SLMAP: variants seen among roughly 807,000 people sequenced by gnomAD.
SLMAP encodes the protein sarcolemma associated protein, also known as sarcolemmal membrane-associated protein.
A neutral mutation model predicts 128.8 loss-of-function variants in SLMAP; 44 were observed. The ratio of observed to expected loss-of-function variants is 0.34; its 90% confidence interval spans 0.27 to 0.44. SLMAP has a LOEUF of 0.44. Ranked by LOEUF, SLMAP falls within the 20% of genes least tolerant of loss-of-function variation. The probability of loss-of-function intolerance (pLI) is 1.00; values close to 1 mark genes in which losing one functional copy is unlikely to be tolerated. For synonymous variants in SLMAP, 327 were observed against 348.8 expected, an observed-to-expected ratio of 0.94 and a Z score of 0.70; for missense variants, 787 against 985.3, an observed-to-expected ratio of 0.80 and a Z score of 2.69.
intron 2 of SLMAP, among the ~76,000 whole-genome samples, chr3:57,794,731 G>C (rs1019885628): frequency 6.6e-6 from 1 of 152,136 alleles, no homozygotes; most frequent in African/African-American, 2.4e-5. Flanking sequence ...GCATTTTCAA[G>C]CTTCATCTAA....
At chr3:57,868,296 A>G (rs1188703163) in intron 13 of SLMAP, among the ~76,000 whole-genome samples, 1 of 152,058 alleles carries the variant, frequency 6.6e-6, no homozygotes, top group African/African-American at 2.4e-5. Flanking sequence ...AGCCACATAC[A>G]TAATTTTAAA....
chr3:57,772,379 G>A (rs1377012287), intron 2 of SLMAP, among the ~76,000 whole-genome samples: 2 of 152,222 alleles, frequency 1.3e-5, no homozygotes, highest in African/African-American at 4.8e-5. Flanking sequence ...ATGTTGAAAG[G>A]GGATTGGGTT....
At chr3:57,896,139 TCTC>T (rs2096241186) in intron 15 of SLMAP, 2 of 642,664 alleles carry the variant, frequency 3.1e-6, no homozygotes, top group Non-Finnish European at 3.9e-6. Flanking sequence ...AACAGAGCCT[TCTC>T]CTTTAATCAT....
In SLMAP at chr3:57,757,656, C is replaced by T. The variant is rs1487722333; in HGVS notation, c.5C>T (p.Pro2Leu). 2.5e-6 allele frequency: 4 copies of T among 1,614,028 alleles called. No homozygotes were observed. Among genetic ancestry groups the T allele is most frequent in the Non-Finnish European group, 3.4e-6 (4 of 1,179,990 alleles). MPSALAIFTCRP... is the reference protein window; with the variant it reads MLSALAIFTCRP... ...GACACCCCCAGTCTATCCTCGATGCCGTCAGCCTTGGCCATCTTCACTTGC... is the reference window on the plus strand; with the variant it reads ...GACACCCCCAGTCTATCCTCGATGCTGTCAGCCTTGGCCATCTTCACTTGC... The change falls in exon 2 of 25, where the codon CCG (proline) becomes CTG (leucine). Residue 2 changes from proline (P) to leucine (L), a missense_variant. Pro to Leu is a moderately conservative substitution (Grantham distance 98). Transcript: ENST00000671191.
intron 14 of SLMAP, among the ~76,000 whole-genome samples, chr3:57,888,875 GTTAC>G (rs1203355637): frequency 6.6e-6 from 1 of 151,758 alleles, no homozygotes; most frequent in Non-Finnish European, 1.5e-5. Context: ...ATCAAAATCT[GTTAC>G]TTTCTGTTTT....
At chr3:57,792,215 A>G (rs1052394620) in intron 2 of SLMAP, among the ~76,000 whole-genome samples, 2 of 152,044 alleles carry the variant, frequency 1.3e-5, no homozygotes, top group African/African-American at 2.4e-5. Context: ...TGATTTTACT[A>G]TTTATACTTT....
At chr3:57,802,129 A>AT (rs1553806791) in intron 2 of SLMAP, among the ~76,000 whole-genome samples, 1 of 152,082 alleles carries the variant, frequency 6.6e-6, no homozygotes. Context: ...CTTGAAGTCA[A>AT]TTTTTTTGTC....
intron 2 of SLMAP, among the ~76,000 whole-genome samples, chr3:57,785,676 A>ACTTGC (rs2083939425): frequency 1.3e-5 from 2 of 152,154 alleles, no homozygotes; most frequent in Non-Finnish European, 2.9e-5. Flanking sequence ...TGCTTCTACT[A>ACTTGC]CCACACTTCT....
intron 2 of SLMAP, among the ~76,000 whole-genome samples, chr3:57,794,619 C>T (rs758688735): frequency 2.3e-4 from 35 of 152,184 alleles, no homozygotes; most frequent in Admixed American, 2.0e-4. Flanking sequence ...ACCCTGGCAA[C>T]CACTAATCTG....
chr3:57,841,309 G>T lies in SLMAP; in HGVS notation c.357G>T (p.Gly119=). The change falls in exon 4 of 25, where the codon GGG becomes GGT. Residue 119 remains glycine, a synonymous_variant. Coordinates refer to ENST00000671191, the MANE Select transcript of SLMAP (RefSeq NM_001377540.1). The part of the protein sequence containing the change: ...VTENTRKVTH[G]CIVSTIKLFL... ...GTTTGTTTCAACCAGTTACCCATGG[G>T]TGTATTGTTTCCACAATAAAACTTT... The T allele has an allele frequency of 6.3e-7, 1 of 1,599,944 alleles. No individual in the cohort carries two copies. Among genetic ancestry groups the T allele is most frequent in the Non-Finnish European group, 8.5e-7 (1 of 1,169,622 alleles).
At chr3:57,788,327 T>A (rs1377619101) in intron 2 of SLMAP, among the ~76,000 whole-genome samples, 1 of 152,186 alleles carries the variant, frequency 6.6e-6, no homozygotes, top group African/African-American at 2.4e-5. Context: ...TAAATCTTTG[T>A]TTTTAGAATA....
intron 2 of SLMAP, among the ~76,000 whole-genome samples, chr3:57,823,540 G>T (rs1357586672): frequency 6.6e-6 from 1 of 152,174 alleles, no homozygotes; most frequent in African/African-American, 2.4e-5. Flanking sequence ...CCCTACAAAG[G>T]ACATGAACTC....
At chr3:57,775,247 G>T (rs974364678) in intron 2 of SLMAP, among the ~76,000 whole-genome samples, 3 of 151,140 alleles carry the variant, frequency 2.0e-5, no homozygotes, top group Non-Finnish European at 4.4e-5. Flanking sequence ...GTAGAGACGG[G>T]GTTTCACCGT....
intron 19 of SLMAP, 76 bp from the exon 20 acceptor site, chr3:57,912,305 A>G: frequency 7.2e-6 from 9 of 1,242,388 alleles, no homozygotes; most frequent in Non-Finnish European, 9.2e-6. Context: ...AACCCAGGTT[A>G]TGCATTAGCT....
At chr3:57,791,304 G>A (rs948221715) in intron 2 of SLMAP, among the ~76,000 whole-genome samples, 16 of 151,704 alleles carry the variant, frequency 1.1e-4, no homozygotes, top group African/African-American at 3.9e-4. Context: ...AGGTTGCAGT[G>A]AGCCGAGACT....
At chr3:57,775,798 C>T (rs912812949) in intron 2 of SLMAP, among the ~76,000 whole-genome samples, 5 of 152,212 alleles carry the variant, frequency 3.3e-5, no homozygotes, top group South Asian at 4.1e-4. Flanking sequence ...CTCCCGGGTT[C>T]AAGTGATCTA....
intron 2 of SLMAP, among the ~76,000 whole-genome samples, chr3:57,819,659 AACCTAGTG>A (rs2092318349): frequency 2.0e-5 from 3 of 152,174 alleles, no homozygotes; most frequent in Non-Finnish European, 2.9e-5. Context: ...TAAGGCTTTA[AACCTAGTG>A]ACCTTGTTCT....
chr3:57,880,995 G>C (rs144957090), intron 14 of SLMAP, among the ~76,000 whole-genome samples: 142 of 152,184 alleles, frequency 9.3e-4, no homozygotes, highest in African/African-American at 3.3e-3. Context: ...TTCAAGACCA[G>C]CCTGAGCAAC....
intron 18 of SLMAP, among the ~76,000 whole-genome samples, chr3:57,908,376 T>C (rs2096617182): frequency 6.6e-6 from 1 of 152,234 alleles, no homozygotes; most frequent in Non-Finnish European, 1.5e-5. Context: ...TATCTATAGG[T>C]CATAAGCCAG....
Sources: gnomAD v4.1 joint callset for allele counts (sites outside exome capture counted in the v4.1 genomes callset) on GRCh38, gnomAD v4.1.1 for gene constraint, MANE v1.5 for transcripts, NCBI Gene and HGNC (gene_info 2026-07-23, HGNC 2026-07-21) for gene names.